The following SF3B3 variants were observed in gnomAD, a reference collection of about 807,000 sequenced individuals.
SF3B3 encodes SAP 130.
SF3B3 carries 33 observed loss-of-function variants against 139.2 expected under a neutral mutation model. The observed-to-expected ratio is 0.24, with a 90% CI of 0.18 to 0.32. SF3B3 has a LOEUF of 0.32. SF3B3 is among the 10% of genes least tolerant of loss of function. The pLI is 1.00. For missense variants in SF3B3, 818 were observed against 1,509.4 expected, an observed-to-expected ratio of 0.54 and a Z score of 7.59; for synonymous variants, 596 against 563.6, an observed-to-expected ratio of 1.06 and a Z score of -0.81.
Position 70,538,363 on chromosome 16 carries a change from G to A in SF3B3, c.866G>A (p.Cys289Tyr). Residue 289 changes from cysteine (C) to tyrosine (Y), a missense_variant, in exon 7 of 26, where the codon TGC (cysteine) becomes TAC (tyrosine). Cys to Tyr is a radical substitution (Grantham distance 194). This residue lies in a region of SF3B3 where 80 missense variants were observed against 206.5 expected (regional missense o/e 0.39). Transcript: ENST00000302516. Reference sequence around the variant, plus strand: ...CCTGAAAGAGGAATGATTTTTGTCTGCTCTGCAACCCATAAAACCAAATCG... The same window carrying A: ...CCTGAAAGAGGAATGATTTTTGTCTACTCTGCAACCCATAAAACCAAATCG... ...DDPERGMIFV[C>Y]SATHKTKSMF... 1.9e-6 allele frequency: 3 copies of A among 1,613,926 alleles called. No homozygotes were observed. Among genetic ancestry groups the A allele is most frequent in the Non-Finnish European group, 2.5e-6 (3 of 1,179,832 alleles).
chr16:70,531,631 C>A lies in SF3B3; in HGVS notation c.570+714C>A, dbSNP rs11866400. Among the ~76,000 whole-genome samples, 12 of 152,144 alleles carry A rather than the reference C, an allele frequency of 7.9e-5. 1 individual carries two copies. The East Asian group carries it at 9.7e-4, about 12-fold the overall frequency. The stretch of plus-strand genomic sequence containing the variant: ...TAGCAGATCTTCATATTCCAAATGC[C>A]TTACTGAAATTCTTTGGGATGCTTC... On this transcript the variant is annotated intron_variant, in intron 4 of 25. Transcript: ENST00000302516.
At chr16:70,538,581 A>G (rs1042094925) in intron 7 of SF3B3, 121 bp downstream of exon 7, 14 of 782,292 alleles carry the variant, frequency 1.8e-5, no homozygotes, top group East Asian at 1.3e-4. Flanking sequence ...GAACCGGTAT[A>G]TGAGTATAGA....
At chr16:70,540,835 GT>G (rs2050213042) in intron 8 of SF3B3, among the ~76,000 whole-genome samples, 3 of 151,978 alleles carry the variant, frequency 2.0e-5, no homozygotes, top group African/African-American at 7.2e-5. Context: ...ACTGCATTTT[GT>G]TTACCCATTC....
At position 70,570,061 on chromosome 16, in the gene SF3B3, C is replaced by A; in HGVS notation, c.3320C>A (p.Thr1107Asn). The change falls in exon 24 of 26, where the codon ACC becomes AAC. Residue 1107 changes from threonine to asparagine, a missense_variant. This residue lies in a region of SF3B3 where 91 missense variants were observed against 171.8 expected (regional missense o/e 0.53). Transcript: ENST00000302516. ...VGETVLSLQK[T>N]TLIPGGSESL... ...GAGACGGTGCTGTCCTTGCAGAAGA[C>A]CACGCTGATCCCTGGAGGCTCAGAA... 2 of 1,614,074 alleles carry A rather than the reference C, an allele frequency of 1.2e-6. No homozygotes were observed. Among genetic ancestry groups the A allele is most frequent in the Non-Finnish European group, 1.7e-6 (2 of 1,180,002 alleles).
At chr16:70,560,385 A>C in intron 15 of SF3B3, 84 bp from the exon 16 acceptor site, 1 of 1,413,908 alleles carries the variant, frequency 7.1e-7, no homozygotes, top group Non-Finnish European at 9.6e-7. Context: ...CTAATTTCTT[A>C]TGTGAAGTAC....
At chr16:70,568,200 A>G in intron 21 of SF3B3, 83 bp from the exon 22 acceptor site, 13 of 1,034,108 alleles carry the variant, frequency 1.3e-5, no homozygotes, top group Non-Finnish European at 1.8e-5. Flanking sequence ...GACCCTACGT[A>G]TGTCATACGG....
At chr16:70,556,355 C>G (rs769347933) in intron 14 of SF3B3, 21 bp downstream of exon 14, 26 of 1,613,780 alleles carry the variant, frequency 1.6e-5, no homozygotes, top group Non-Finnish European at 2.1e-5. Context: ...CTCTGAGCTT[C>G]AAGGATCATC....
intron 6 of SF3B3, among the ~76,000 whole-genome samples, chr16:70,536,191 G>T (rs2050164258): frequency 1.3e-5 from 2 of 148,786 alleles, no homozygotes; most frequent in Admixed American, 6.7e-5. Context: ...TTTTTGAGAT[G>T]GAGTCTTGCT....
chr16:70,556,590 A>C (rs1457436799), intron 14 of SF3B3: 2 of 601,182 alleles, frequency 3.3e-6, no homozygotes, highest in African/African-American at 1.9e-5. Flanking sequence ...GTTAACAACC[A>C]AGACTGCATA....
intron 7 of SF3B3, 21 bp downstream of exon 7, chr16:70,538,481 C>T (rs1358044167): frequency 1.3e-6 from 2 of 1,597,028 alleles, no homozygotes; most frequent in African/African-American, 1.3e-5. Flanking sequence ...CATGGATGGA[C>T]CAGTATAGCT....
chr16:70,570,166 T>C lies in SF3B3; in HGVS notation c.3408+17T>C. On this transcript the variant is annotated intron_variant, in intron 24 of 25. Transcript: ENST00000302516. ...TCCCATGAGGTGAGAGCGCCCACAT[T>C]ACTCTGGCCTTGACTTTTAAGGTTG... 6.2e-7 allele frequency: 1 copy of C among 1,613,762 alleles called. No individual in the cohort carries two copies. The highest frequency in any genetic ancestry group is 8.5e-7 in the Non-Finnish European group (1 of 1,179,790).
At position 70,565,056 on chromosome 16, in the gene SF3B3, T is replaced by G. The variant is rs755291372; in HGVS notation, c.2464-9T>G. 6.2e-7 allele frequency: 1 copy of G among 1,612,914 alleles called. No homozygotes were observed. Among genetic ancestry groups the G allele is most frequent in the Non-Finnish European group, 8.5e-7 (1 of 1,179,960 alleles). On this transcript the variant is annotated splice_polypyrimidine_tract_variant and intron_variant, in intron 18 of 25. Coordinates refer to ENST00000302516, the MANE Select transcript of SF3B3 (RefSeq NM_012426.5). ...ACGCCAACTCAGTTACTCGTTTTTTTGGGTTTAGGAAATGGTGGAAGCAGC... is the reference window on the plus strand; with the variant it reads ...ACGCCAACTCAGTTACTCGTTTTTTGGGGTTTAGGAAATGGTGGAAGCAGC...
chr16:70,548,520 A>ATC, intron 11 of SF3B3, 78 bp downstream of exon 11: 1 of 1,221,884 alleles, frequency 8.2e-7, no homozygotes, highest in South Asian at 1.2e-5. Context: ...CTGCGTTCAT[A>ATC]ATACTTCTGT....
intron 15 of SF3B3, among the ~76,000 whole-genome samples, chr16:70,560,158 TTTAA>T (rs1277361756): frequency 6.6e-6 from 1 of 152,240 alleles, no homozygotes; most frequent in African/African-American, 2.4e-5. Flanking sequence ...TTTGTGGTTA[TTTAA>T]TTATTTATTT....
At chr16:70,544,396 A>T in intron 9 of SF3B3, 42 bp from the exon 10 acceptor site, 4 of 1,134,458 alleles carry the variant, frequency 3.5e-6, no homozygotes, top group Non-Finnish European at 5.3e-6. Context: ...GTTTGAAAAC[A>T]GCACTGGAGA....
At chr16:70,552,000 C>G (rs914978092) in intron 11 of SF3B3, among the ~76,000 whole-genome samples, 1 of 152,192 alleles carries the variant, frequency 6.6e-6, no homozygotes, top group African/African-American at 2.4e-5. Flanking sequence ...ATGTCGTTGG[C>G]TCTCCCACTT....
intron 2 of SF3B3, among the ~76,000 whole-genome samples, chr16:70,528,036 A>G (rs1053542410): frequency 6.6e-6 from 1 of 152,128 alleles, no homozygotes; most frequent in African/African-American, 2.4e-5. Context: ...TAGCCTCCCA[A>G]AGTGCTGGGA....
At chr16:70,534,289 CATT>C (rs1400973947) in intron 5 of SF3B3, among the ~76,000 whole-genome samples, 1 of 152,060 alleles carries the variant, frequency 6.6e-6, no homozygotes, top group Non-Finnish European at 1.5e-5. Context: ...ATTAAAAGCT[CATT>C]ATGATTTAAT....
At chr16:70,570,735 T>G (rs1597725867) in intron 24 of SF3B3, among the ~76,000 whole-genome samples, 1 of 152,184 alleles carries the variant, frequency 6.6e-6, no homozygotes, top group African/African-American at 2.4e-5. Flanking sequence ...CAGACTAGGA[T>G]TGCCAGGATT....
Sources: allele counts gnomAD v4.1 joint callset (sites outside exome capture counted in the v4.1 genomes callset), GRCh38; gene constraint gnomAD v4.1.1; regional missense constraint gnomAD v4.1.1; transcripts MANE v1.5; gene names NCBI Gene and HGNC (gene_info 2026-07-23, HGNC 2026-07-21).